Variants in BLTP3B observed in about 807,000 individuals in gnomAD.
BLTP3B encodes the protein UHRF1 (ICBP90) binding protein 1-like.
chr12:100,045,077 C>A, the BLTP3B span, among the ~76,000 whole-genome samples: 1 of 152,246 alleles, frequency 6.6e-6, no homozygotes, highest in South Asian at 2.1e-4. Context: ...GAACTACAAA[C>A]CACTGCTCAA....
chr12:100,048,253 A>C, the BLTP3B span: 1 of 1,513,370 alleles, frequency 6.6e-7, no homozygotes, highest in African/African-American at 1.4e-5. Flanking sequence ...TATTACAATT[A>C]TGTGCCATGT....
At chr12:100,084,570 G>C in the BLTP3B span, 1 of 1,614,042 alleles carries the variant, frequency 6.2e-7, no homozygotes, top group South Asian at 1.1e-5. Flanking sequence ...TTTCAACGTT[G>C]CACTCAAATT....
At chr12:100,077,147 A>G in the BLTP3B span, among the ~76,000 whole-genome samples, 6 of 152,218 alleles carry the variant, frequency 3.9e-5, no homozygotes, top group African/African-American at 1.2e-4. Context: ...TGTGGATCCC[A>G]TAAGATTATA....
At chr12:100,084,952 C>T in the BLTP3B span, among the ~76,000 whole-genome samples, 3 of 152,162 alleles carry the variant, frequency 2.0e-5, no homozygotes, top group East Asian at 1.9e-4. Context: ...ACTGGATGCT[C>T]AATTACCTGG....
the BLTP3B span, among the ~76,000 whole-genome samples, chr12:100,089,689 GA>G: frequency 6.6e-6 from 1 of 152,136 alleles, no homozygotes; most frequent in Non-Finnish European, 1.5e-5. Context: ...CCTTGTTTTA[GA>G]AAATGTAGTT....
chr12:100,101,332 A>G, the BLTP3B span, among the ~76,000 whole-genome samples: 6 of 152,226 alleles, frequency 3.9e-5, no homozygotes, highest in Non-Finnish European at 7.3e-5. Flanking sequence ...CATGGCATGC[A>G]CTAACATAAA....
chr12:100,059,967 A>G, the BLTP3B span: 4 of 1,613,094 alleles, frequency 2.5e-6, no homozygotes, highest in Non-Finnish European at 3.4e-6. Context: ...ACAGAAATTG[A>G]TTTAACCATA....
chr12:100,108,375 C>A, the BLTP3B span: 1 of 1,604,892 alleles, frequency 6.2e-7, no homozygotes, highest in Non-Finnish European at 8.5e-7. Flanking sequence ...CCACAGATAT[C>A]AAAGTCTCAC....
chr12:100,043,340 C>T, the BLTP3B span, among the ~76,000 whole-genome samples: 1 of 152,172 alleles, frequency 6.6e-6, no homozygotes, highest in Non-Finnish European at 1.5e-5. Flanking sequence ...TGTGAAAACG[C>T]TATTCTTTCC....
chr12:100,054,743 G>A, the BLTP3B span, among the ~76,000 whole-genome samples: 3 of 152,062 alleles, frequency 2.0e-5, no homozygotes, highest in Admixed American at 6.6e-5. Context: ...GTTTATGTAT[G>A]GTACACATTC....
chr12:100,111,637 G>A, the BLTP3B span, among the ~76,000 whole-genome samples: 1 of 151,506 alleles, frequency 6.6e-6, no homozygotes, highest in Non-Finnish European at 1.5e-5. Context: ...AGACAGTCTT[G>A]CTCTGTCACC....
At chr12:100,048,166 T>A in the BLTP3B span, 22 of 1,600,396 alleles carry the variant, frequency 1.4e-5, no homozygotes, top group Non-Finnish European at 1.7e-5. Context: ...AGGAGAGGAT[T>A]TGGAATGAAT....
At chr12:100,095,206 C>T in the BLTP3B span, among the ~76,000 whole-genome samples, 9,598 of 152,154 alleles carry the variant, frequency 0.063, 338 homozygotes, top group Middle Eastern at 0.14. Flanking sequence ...TGATAAATAG[C>T]TCATTATGCT....
chr12:100,125,242 A>T, the BLTP3B span, among the ~76,000 whole-genome samples: 1 of 149,564 alleles, frequency 6.7e-6, no homozygotes, highest in African/African-American at 2.5e-5. Flanking sequence ...CTGAAGCAGG[A>T]GAATCGCTAG....
the BLTP3B span, among the ~76,000 whole-genome samples, chr12:100,099,993 A>T: frequency 1.4e-5 from 2 of 147,840 alleles, no homozygotes; most frequent in Non-Finnish European, 3.0e-5. Context: ...TAAATTATTA[A>T]AAAAAAAAAA....
chr12:100,128,293 T>C, the BLTP3B span, among the ~76,000 whole-genome samples: 2 of 152,020 alleles, frequency 1.3e-5, no homozygotes, highest in African/African-American at 4.8e-5. Flanking sequence ...GTTACAAAAC[T>C]CTCTTGCAAC....
At chr12:100,104,365 G>A in the BLTP3B span, among the ~76,000 whole-genome samples, 22 of 151,288 alleles carry the variant, frequency 1.5e-4, no homozygotes, top group African/African-American at 4.6e-4. Flanking sequence ...CACCACGCCC[G>A]GCTAATTTTT....
At chr12:100,142,348 T>C in the BLTP3B span, among the ~76,000 whole-genome samples, 12 of 151,968 alleles carry the variant, frequency 7.9e-5, no homozygotes, top group Admixed American at 3.3e-4. Context: ...CGCTCCGCAC[T>C]CCGGGCTCCT....
chr12:100,070,136 T>C, the BLTP3B span: 22 of 1,557,966 alleles, frequency 1.4e-5, no homozygotes, highest in African/African-American at 2.7e-5. Context: ...TTCCTTCATC[T>C]ATCTTGAGTT....
Sources: gnomAD v4.1 joint callset for allele counts (sites outside exome capture counted in the v4.1 genomes callset) on GRCh38, gnomAD v4.1.1 for gene constraint, MANE v1.5 for transcripts, NCBI Gene and HGNC (gene_info 2026-07-23, HGNC 2026-07-21) for gene names.